The following SAP130 variants were observed in gnomAD, a reference collection of about 807,000 sequenced individuals.
The protein encoded by SAP130 is Sin3A associated protein 130, also known as histone deacetylase complex subunit SAP130.
A neutral mutation model predicts 103.2 loss-of-function variants in SAP130; 16 were observed. The ratio of observed to expected loss-of-function variants is 0.16; its 90% CI spans 0.10 to 0.24. The LOEUF is 0.24. SAP130 is among the 10% of genes least tolerant of loss of function. The probability of loss-of-function intolerance (pLI) is 1.00; values close to 1 mark genes in which losing one functional copy is unlikely to be tolerated. For synonymous variants in SAP130, 477 were observed against 497.0 expected (o/e 0.96, Z 0.53); for missense variants, 990 against 1,359.7 (o/e 0.73, Z 4.28).
At chr2:128,015,567 A>G (rs555188309) in intron 4 of SAP130, among the ~76,000 whole-genome samples, 2 of 152,236 alleles carry the variant, frequency 1.3e-5, no homozygotes, top group Non-Finnish European at 2.9e-5. Context: ...AATGTAAAAT[A>G]TTTAATTAAT....
intron 19 of SAP130, among the ~76,000 whole-genome samples, chr2:127,945,126 G>A (rs1215200405): frequency 6.6e-6 from 1 of 152,170 alleles, no homozygotes; most frequent in Non-Finnish European, 1.5e-5. Flanking sequence ...AGGGAGCAGA[G>A]TTGGGAGGAG....
chr2:127,941,659 C>T lies in SAP130; in HGVS notation c.*347G>A, dbSNP rs1303596916. 1.9e-5 allele frequency: 5 copies of T among 257,316 alleles called. No homozygotes were observed. The highest frequency in any genetic ancestry group is 3.7e-5 in the Non-Finnish European group (5 of 136,592). The allele number at this position is 257,316 out of a possible 1,614,324, so 15.9% of individuals were successfully genotyped here. ...CAGTCCAGGCTCAGTATGGGGCCTG[C>T]AGGAATCCACTAGATAAATACAGTC... On this transcript the variant is annotated 3_prime_UTR_variant, in exon 21 of 21. Coordinates refer to ENST00000643581, the MANE Select transcript of SAP130 (RefSeq NM_001330301.2).
intron 10 of SAP130, among the ~76,000 whole-genome samples, chr2:127,999,093 T>G (rs1191287545): frequency 6.6e-6 from 1 of 152,178 alleles, no homozygotes; most frequent in East Asian, 1.9e-4. Context: ...TGGTGAGCAG[T>G]GATGCAGAAA....
chr2:127,941,890 A>C lies in SAP130; in HGVS notation c.*116T>G. On this transcript the variant is annotated 3_prime_UTR_variant, in exon 21 of 21. Coordinates refer to ENST00000643581, the MANE Select transcript of SAP130 (RefSeq NM_001330301.2). ...ATGGGTTCCTCTGCTTTCACACGGG[A>C]ACTAAGGAACACTTCCTTTATTTCA... 3.3e-6 allele frequency: 3 copies of C among 922,416 alleles called. No homozygotes were observed. Among genetic ancestry groups the C allele is most frequent in the East Asian group, 2.4e-5 (1 of 40,886 alleles). 57.1% of individuals were successfully genotyped at this position (922,416 alleles called of 1,614,324 possible).
chr2:127,995,542 G>A (rs1175576823), intron 11 of SAP130, among the ~76,000 whole-genome samples: 2 of 152,146 alleles, frequency 1.3e-5, no homozygotes. Context: ...ATAAGAGAAA[G>A]TTTCTTTACG....
At position 127,996,909 on chromosome 2, in the gene SAP130, C is replaced by T. The variant is rs931961133; in HGVS notation, c.1214-418G>A. 2.0e-5 allele frequency among the ~76,000 whole-genome samples: 3 copies of T among 151,968 alleles called. No homozygotes were observed. The highest frequency in any genetic ancestry group is 3.2e-3 in the Middle Eastern group (1 of 316). ...TCCAGCCTCACTCACAGACTGGGAC[C>T]CTGTCTCAAAATAAATAAATAAACA... On this transcript the variant is annotated intron_variant, in intron 10 of 20. Coordinates refer to ENST00000643581, the MANE Select transcript of SAP130 (RefSeq NM_001330301.2). This position sits in a 1 kb window ranked among gnomAD's most constrained non-coding sequence, Gnocchi z 4.3.
chr2:127,959,922 G>A (rs188247247), intron 15 of SAP130, among the ~76,000 whole-genome samples: 1 of 152,264 alleles, frequency 6.6e-6, no homozygotes, highest in East Asian at 1.9e-4. Context: ...CTGTGTTGGT[G>A]AGGCTGGAGT....
intron 7 of SAP130, among the ~76,000 whole-genome samples, chr2:128,001,624 G>A (rs1482887058): frequency 1.3e-5 from 2 of 152,120 alleles, no homozygotes; most frequent in Admixed American, 1.3e-4. Context: ...ATACCATAGT[G>A]TTACAACTGC....
intron 15 of SAP130, among the ~76,000 whole-genome samples, chr2:127,975,122 TA>T (rs150306725): frequency 0.028 from 4,228 of 152,300 alleles, 174 homozygotes; most frequent in African/African-American, 0.093. Context: ...TCATGATCAG[TA>T]ACCAGTCACA....
intron 15 of SAP130, among the ~76,000 whole-genome samples, chr2:127,963,007 G>GAA (rs35587743): frequency 1.0e-4 from 15 of 146,938 alleles, no homozygotes; most frequent in African/African-American, 1.5e-4. Context: ...ATAAATGTCT[G>GAA]AAAAAAAAAA....
At chr2:128,005,915 C>A (rs554714286) in intron 7 of SAP130, among the ~76,000 whole-genome samples, 25 of 152,142 alleles carry the variant, frequency 1.6e-4, no homozygotes, top group Non-Finnish European at 2.4e-4. Context: ...GAGGCATGAG[C>A]CACCATGCCT....
At chr2:127,954,453 AAAAG>A (rs1353243765) in intron 16 of SAP130, among the ~76,000 whole-genome samples, 3 of 152,148 alleles carry the variant, frequency 2.0e-5, no homozygotes, top group African/African-American at 7.2e-5. Flanking sequence ...TTAAAAAAAA[AAAAG>A]AAAGAAAACC....
Position 127,983,833 on chromosome 2 carries a change from T to TG in SAP130, c.1958+2951_1958+2952insC, listed in dbSNP as rs1306412615. Among the ~76,000 whole-genome samples the TG allele has an allele frequency of 5.5e-3, 696 of 126,406 alleles. 10 individuals are homozygous for TG. Among genetic ancestry groups the TG allele is most frequent in the African/African-American group, 0.019 (611 of 31,962 alleles). 82.9% of individuals were successfully genotyped at this position (126,406 alleles called of 152,430 possible). ...TTCTATTACTTTGTTGTTTTTTTTT[T>TG]TTTTTTTTTTTTTAAACATTTATCT... On this transcript the variant is annotated intron_variant, in intron 14 of 20. Coordinates refer to ENST00000643581, the MANE Select transcript of SAP130 (RefSeq NM_001330301.2).
At chr2:127,958,116 C>G (rs554027424) in intron 15 of SAP130, among the ~76,000 whole-genome samples, 2 of 152,282 alleles carry the variant, frequency 1.3e-5, no homozygotes, top group Admixed American at 1.3e-4. Flanking sequence ...TATCCCAGAA[C>G]TTAAAGTATA....
intron 19 of SAP130, among the ~76,000 whole-genome samples, chr2:127,944,763 G>A (rs190771688): frequency 1.5e-3 from 234 of 152,128 alleles, no homozygotes; most frequent in African/African-American, 5.4e-3. Flanking sequence ...GTGTGCAGTG[G>A]CTCACACCTG....
intron 2 of SAP130, 26 bp downstream of exon 2, chr2:128,026,155 A>C (rs769869703): frequency 1.4e-6 from 2 of 1,447,030 alleles, no homozygotes; most frequent in East Asian, 4.5e-5. Flanking sequence ...GTAGGAAAAA[A>C]TATATTAGAA....
In SAP130 at chr2:128,022,776, C is replaced by T. The variant is rs568150784; in HGVS notation, c.112+3405G>A. 4.6e-5 allele frequency among the ~76,000 whole-genome samples: 7 copies of T among 151,942 alleles called. No homozygotes were observed. The East Asian group carries it at 1.4e-3, about 29-fold the overall frequency. Reference sequence around the variant, plus strand: ...TAGCTCTTCTGTACTCAAATATTTTCCCGTCTTAAAAAAAATCAGGTTGTT... The same window carrying T: ...TAGCTCTTCTGTACTCAAATATTTTTCCGTCTTAAAAAAAATCAGGTTGTT... On this transcript the variant is annotated intron_variant, in intron 2 of 20. Coordinates refer to ENST00000643581, the MANE Select transcript of SAP130 (RefSeq NM_001330301.2).
intron 2 of SAP130, among the ~76,000 whole-genome samples, chr2:128,021,069 GTTATTT>G (rs1685118385): frequency 6.6e-6 from 1 of 152,074 alleles, no homozygotes; most frequent in Non-Finnish European, 1.5e-5. Context: ...GGGCTTTTAG[GTTATTT>G]CCAAATTTTT....
At chr2:128,021,869 G>T (rs1386087728) in intron 2 of SAP130, among the ~76,000 whole-genome samples, 4 of 152,090 alleles carry the variant, frequency 2.6e-5, no homozygotes, top group Non-Finnish European at 2.9e-5. Context: ...TAGTAATGTT[G>T]AACATCTTTT....
Sources: allele counts gnomAD v4.1 joint callset (sites outside exome capture counted in the v4.1 genomes callset), GRCh38; gene constraint gnomAD v4.1.1; non-coding constraint Gnocchi (gnomAD v3.1); transcripts MANE v1.5; gene names NCBI Gene and HGNC (gene_info 2026-07-23, HGNC 2026-07-21).